Variants in ABCB11 observed in about 807,000 individuals in gnomAD.
ABCB11 encodes bile salt export pump.
ABCB11 carries 95 observed loss-of-function variants against 148.0 expected under a neutral mutation model. The ratio of observed to expected loss-of-function variants is 0.64; its 90% CI spans 0.54 to 0.76. The LOEUF is 0.76. Among genes scored for constraint, ABCB11 ranks in the 30% least tolerant of loss-of-function variants. The probability of loss-of-function intolerance (pLI) is 0.00; values close to 1 mark genes in which losing one functional copy is unlikely to be tolerated. For missense variants in ABCB11, 1,523 were observed against 1,617.8 expected, an observed-to-expected ratio of 0.94 and a Z score of 1.01; for synonymous variants, 591 against 555.4, an observed-to-expected ratio of 1.06 and a Z score of -0.90.
In ABCB11 at chr2:169,005,076, G is replaced by A. The variant is rs569480183; in HGVS notation, c.389+8196C>T. ...GCAGCAGGGGAGTGAAGTGGGCTCCGTGAAGGTCCTCTGTTGTGTTTTTAT... is the reference window on the plus strand; with the variant it reads ...GCAGCAGGGGAGTGAAGTGGGCTCCATGAAGGTCCTCTGTTGTGTTTTTAT... On this transcript the variant is annotated intron_variant, in intron 5 of 27. Transcript: ENST00000650372. 4.8e-4 allele frequency among the ~76,000 whole-genome samples: 73 copies of A among 152,156 alleles called. 1 individual carries two copies. Among genetic ancestry groups the A allele is most frequent in the African/African-American group, 1.7e-3 (70 of 41,516 alleles).
rs772384160 is a variant in ABCB11 at position 168,973,889 on chromosome 2, AT to A, written c.1309-50del. On this transcript the variant is annotated intron_variant, in intron 12 of 27. Transcript: ENST00000650372. Reference sequence around the variant, plus strand: ...AGTTCAGATTGTCACTGTTTACCAAATCAAACAATTAGGCTACAGGTGCAGA... The same window carrying A: ...AGTTCAGATTGTCACTGTTTACCAAACAAACAATTAGGCTACAGGTGCAGA... 5 of 1,597,858 alleles carry A rather than the reference AT, an allele frequency of 3.1e-6. No individual in the cohort carries two copies. In the Admixed American group the frequency reaches 8.4e-5, roughly 27 times the overall value.
Position 168,937,413 on chromosome 2 carries a change from GTTAAGTTCTTTTAAATGA to G in ABCB11, c.2611-998_2611-981del, listed in dbSNP as rs1231622694. On this transcript the variant is annotated intron_variant, in intron 21 of 27. Transcript: ENST00000650372. ...CATATGGTAGTCCCCTGTTCAAAAA[GTTAAGTTCTTTTAAATGA>G]TTAAGTTCTTTTAAATGATGAGCTC... Among the ~76,000 whole-genome samples, 6 of 152,308 alleles carry G rather than the reference GTTAAGTTCTTTTAAATGA, an allele frequency of 3.9e-5. 1 individual carries two copies. In the Middle Eastern group the frequency reaches 0.01, roughly 259 times the overall value.
chr2:168,979,960 ACT>A lies in ABCB11; in HGVS notation c.1101_1102del (p.Val368ArgfsTer27). On this transcript the variant is annotated frameshift_variant, in exon 11 of 28. Transcript: ENST00000650372. LOFTEE classifies it high-confidence loss of function. ...GGCATTGCCAAGATTTAAAGCTCCT[ACT>A]ATGACACTGAGGAAAATCTGAAATG... 6.2e-7 allele frequency: 1 copy of A among 1,607,840 alleles called. No homozygotes were observed. The highest frequency in any genetic ancestry group is 8.5e-7 in the Non-Finnish European group (1 of 1,175,184).
chr2:168,999,504 T>C (rs918948681), intron 5 of ABCB11, among the ~76,000 whole-genome samples: 1 of 152,090 alleles, frequency 6.6e-6, no homozygotes, highest in Non-Finnish European at 1.5e-5. Flanking sequence ...CATATCCTCC[T>C]TAGCCCCAGC....
In ABCB11 at chr2:168,975,674, T is replaced by C. The variant is rs1201018149; in HGVS notation, c.1308+903A>G. ...TATATATTACAAATATTATATTATATAAATATTTACCTGCATTTTATATAT... is the reference window on the plus strand; with the variant it reads ...TATATATTACAAATATTATATTATACAAATATTTACCTGCATTTTATATAT... On this transcript the variant is annotated intron_variant, in intron 12 of 27. Coordinates refer to ENST00000650372, the MANE Select transcript of ABCB11 (RefSeq NM_003742.4). Among the ~76,000 whole-genome samples, 2 of 124,970 alleles carry C rather than the reference T, an allele frequency of 1.6e-5. 1 individual carries two copies. Among genetic ancestry groups the C allele is most frequent in the Non-Finnish European group, 3.3e-5 (2 of 60,616 alleles). 82.0% of individuals were successfully genotyped at this position (124,970 alleles called of 152,430 possible).
intron 21 of ABCB11, among the ~76,000 whole-genome samples, chr2:168,943,180 T>C (rs1256670822): frequency 6.6e-6 from 1 of 151,906 alleles, no homozygotes; most frequent in African/African-American, 2.4e-5. Flanking sequence ...GCCACAAAAA[T>C]AGAAGAGATA....
At chr2:168,919,206 T>C (rs1473107759), downstream of ABCB11, among the ~76,000 whole-genome samples, 4 of 152,202 alleles carry the variant, frequency 2.6e-5, no homozygotes, top group South Asian at 2.1e-4. Flanking sequence ...AGCTTTTACA[T>C]TGATGTGACT....
intron 18 of ABCB11, among the ~76,000 whole-genome samples, chr2:168,963,879 A>G (rs1199446986): frequency 6.6e-6 from 1 of 151,848 alleles, no homozygotes; most frequent in African/African-American, 2.4e-5. Flanking sequence ...TTATAAAAGG[A>G]TTTCTACATA....
chr2:169,014,627 C>T (rs1170052840), intron 3 of ABCB11, among the ~76,000 whole-genome samples: 1 of 152,144 alleles, frequency 6.6e-6, no homozygotes, highest in Non-Finnish European at 1.5e-5. Flanking sequence ...GTCCTCTATA[C>T]TCCCAGTTAT....
At chr2:169,026,381 C>T (rs1184438958) in intron 1 of ABCB11, among the ~76,000 whole-genome samples, 1 of 152,164 alleles carries the variant, frequency 6.6e-6, no homozygotes, top group Non-Finnish European at 1.5e-5. Flanking sequence ...ACTGGTTGTT[C>T]AGTCAGAAAT....
intron 9 of ABCB11, among the ~76,000 whole-genome samples, chr2:168,989,204 C>A (rs1013790631): frequency 3.3e-5 from 5 of 152,104 alleles, no homozygotes; most frequent in Non-Finnish European, 7.4e-5. Context: ...TTGCCTAGAC[C>A]AATGTCATAG....
In ABCB11 at chr2:168,972,136, A is replaced by AG. The variant is rs4148786; in HGVS notation, c.1435-87dup. The AG allele has an allele frequency of 2.6e-5, 32 of 1,212,114 alleles. No individual in the cohort carries two copies. The East Asian group carries it at 8.1e-4, about 31-fold the overall frequency. 75.1% of individuals were successfully genotyped at this position (1,212,114 alleles called of 1,614,324 possible). On this transcript the variant is annotated intron_variant, in intron 13 of 27. Transcript: ENST00000650372. ...ATTATGTCATACTTGACCAATGGGCAGAAAAAATAGAGGCCAATAAGATTC... is the reference window on the plus strand; with the variant it reads ...ATTATGTCATACTTGACCAATGGGCAGGAAAAAATAGAGGCCAATAAGATTC...
chr2:169,016,267 C>T (rs980238603), intron 3 of ABCB11, among the ~76,000 whole-genome samples: 1 of 152,176 alleles, frequency 6.6e-6, no homozygotes, highest in Non-Finnish European at 1.5e-5. Context: ...TTAACCCTTC[C>T]GTTTCCACCA....
chr2:168,952,676 TG>T (rs144226948), intron 19 of ABCB11, among the ~76,000 whole-genome samples: 2,226 of 106,300 alleles, frequency 0.021, 58 homozygotes, highest in African/African-American at 0.065. Context: ...ATTGCTCCTT[TG>T]TTTTTTTTTT....
At position 168,993,054 on chromosome 2, in the gene ABCB11, C is replaced by T. The variant is rs73020756; in HGVS notation, c.783+657G>A. 3.6e-3 allele frequency among the ~76,000 whole-genome samples: 543 copies of T among 151,904 alleles called. 4 individuals are homozygous for T. The highest frequency in any genetic ancestry group is 0.012 in the African/African-American group (510 of 41,438). On this transcript the variant is annotated intron_variant, in intron 8 of 27. Coordinates refer to ENST00000650372, the MANE Select transcript of ABCB11 (RefSeq NM_003742.4). Reference sequence around the variant, plus strand: ...CGAAATTCCTATTCCTATATGTTGTCCAGGCCTCAATTCCTGGGGAACCGA... The same window carrying T: ...CGAAATTCCTATTCCTATATGTTGTTCAGGCCTCAATTCCTGGGGAACCGA...
intron 5 of ABCB11, among the ~76,000 whole-genome samples, chr2:168,997,335 C>T (rs956246697): frequency 6.6e-6 from 1 of 151,986 alleles, no homozygotes; most frequent in African/African-American, 2.4e-5. Flanking sequence ...CTGACTACAG[C>T]CTAAGTTCAT....
intron 13 of ABCB11, among the ~76,000 whole-genome samples, chr2:168,972,949 G>A (rs552425652): frequency 6.6e-6 from 1 of 151,922 alleles, no homozygotes; most frequent in East Asian, 1.9e-4. Flanking sequence ...ACCTTTGGGG[G>A]TCATTGTGAC....
rs528931256 is a variant in ABCB11, at chr2:168,923,362, C to T, written c.*260G>A. ...AAGCACTGAGTGGTGGCTGAGCTGC[C>T]ACTTGACATTGGGTTTTCCCTCATA... On this transcript the variant is annotated 3_prime_UTR_variant, in exon 28 of 28. Coordinates refer to ENST00000650372, the MANE Select transcript of ABCB11 (RefSeq NM_003742.4). 8 of 543,808 alleles carry T rather than the reference C, an allele frequency of 1.5e-5. No homozygotes were observed. Among genetic ancestry groups the T allele is most frequent in the African/African-American group, 1.3e-4 (7 of 52,966 alleles). 33.7% of individuals were successfully genotyped at this position (543,808 alleles called of 1,614,324 possible).
At chr2:168,963,500 G>T (rs148121044) in intron 18 of ABCB11, among the ~76,000 whole-genome samples, 253 of 151,742 alleles carry the variant, frequency 1.7e-3, no homozygotes, top group African/African-American at 5.8e-3. Context: ...GAGAATGGGT[G>T]GTCTGTTTAT....
Sources: allele counts gnomAD v4.1 joint callset (sites outside exome capture counted in the v4.1 genomes callset), GRCh38; gene constraint gnomAD v4.1.1; transcripts MANE v1.5; gene names NCBI Gene and HGNC (gene_info 2026-07-23, HGNC 2026-07-21).